The following ERVFRD-1 variants were observed in gnomAD, a reference collection of about 807,000 sequenced individuals.
ERVFRD-1 encodes syncytin-2.
A neutral mutation model predicts 43.8 loss-of-function variants in ERVFRD-1; 33 were observed. The ratio of observed to expected loss-of-function variants is 0.75; its 90% CI spans 0.57 to 1.01. The LOEUF is 1.01. ERVFRD-1 is among the 50% of genes least tolerant of loss of function. The probability of loss-of-function intolerance (pLI) is 0.00; values close to 1 mark genes in which losing one functional copy is unlikely to be tolerated. For missense variants in ERVFRD-1, 568 were observed against 658.4 expected, an observed-to-expected ratio of 0.86 and a Z score of 1.50; for synonymous variants, 239 against 244.4, an observed-to-expected ratio of 0.98 and a Z score of 0.21.
At chr6:11,108,377 C>T (rs1339954766) in intron 1 of ERVFRD-1, among the ~76,000 whole-genome samples, 5 of 152,158 alleles carry the variant, frequency 3.3e-5, no homozygotes, top group Non-Finnish European at 7.3e-5. Flanking sequence ...CCAAGTGGAG[C>T]GTAGGGCCCC....
chr6:11,110,233 C>A (rs916380809), intron 1 of ERVFRD-1, among the ~76,000 whole-genome samples: 1 of 152,192 alleles, frequency 6.6e-6, no homozygotes, highest in Non-Finnish European at 1.5e-5. Flanking sequence ...CTGATCCCAT[C>A]CCATTTCTGG....
chr6:11,104,826 G>A lies in ERVFRD-1; in HGVS notation c.485C>T (p.Thr162Ile). Reference sequence around the variant, plus strand: ...TGGTTGATGGCGGAATTGGTTGTGGGTGTATGTTTGGTAAGTCTGTTGGTT... The same window carrying A: ...TGGTTGATGGCGGAATTGGTTGTGGATGTATGTTTGGTAAGTCTGTTGGTT... The part of the protein sequence containing the change: ...DSNQQTYQTY[T>I]HNQFRHQPRF... Residue 162 changes from threonine to isoleucine, a missense_variant, in exon 2 of 2, where the codon ACC becomes ATC. Transcript: ENST00000472091. The A allele has an allele frequency of 6.2e-7, 1 of 1,614,226 alleles. No homozygotes were observed. The highest frequency in any genetic ancestry group is 8.5e-7 in the Non-Finnish European group (1 of 1,180,042).
At position 11,103,648 on chromosome 6, in the gene ERVFRD-1, T is replaced by A. The variant is rs1192307861; in HGVS notation, c.*46A>T. ...CAGGTCCACGGGAGACGGGGCAGGA[T>A]TTCGCCTCTGTCGTGTTCCACTAGC... is the stretch of plus-strand genomic sequence containing the variant. On this transcript the variant is annotated 3_prime_UTR_variant, in exon 2 of 2. Coordinates refer to ENST00000472091, the MANE Select transcript of ERVFRD-1 (RefSeq NM_207582.3). 6.7e-7 allele frequency: 1 copy of A among 1,493,526 alleles called. No homozygotes were observed. Among genetic ancestry groups the A allele is most frequent in the Non-Finnish European group, 8.9e-7 (1 of 1,119,646 alleles). The allele number at this position is 1,493,526 out of a possible 1,614,324, so 92.5% of individuals were successfully genotyped here.
At position 11,103,074 on chromosome 6, in the gene ERVFRD-1, A is replaced by G. The variant is rs915497160; in HGVS notation, c.*620T>C. The stretch of plus-strand genomic sequence containing the variant: ...TCTGCATGCACAGTGGCCTGCCAGC[A>G]CTTGGGAGGGGACGCATGTGCAGTG... On this transcript the variant is annotated 3_prime_UTR_variant, in exon 2 of 2. Transcript: ENST00000472091. 6.6e-6 allele frequency: 1 copy of G among 152,164 alleles called. No individual in the cohort carries two copies. Among genetic ancestry groups the G allele is most frequent in the Non-Finnish European group, 1.5e-5 (1 of 68,082 alleles). 9.4% of individuals were successfully genotyped at this position (152,164 alleles called of 1,614,324 possible). A position where few individuals can be genotyped will look rare whatever the true frequency, so the allele number is the denominator to read the frequency against.
chr6:11,107,704 G>A (rs532885762), intron 1 of ERVFRD-1, among the ~76,000 whole-genome samples: 8 of 152,366 alleles, frequency 5.3e-5, no homozygotes, highest in Non-Finnish European at 1.2e-4. Flanking sequence ...GGATCATTGG[G>A]TGTATTGGGA....
chr6:11,107,017 TC>T (rs1198602532), intron 1 of ERVFRD-1, among the ~76,000 whole-genome samples: 12 of 152,156 alleles, frequency 7.9e-5, no homozygotes, highest in African/African-American at 2.2e-4. Flanking sequence ...TGCACAGAGG[TC>T]CCCGGGGACA....
chr6:11,103,754 C>G lies in ERVFRD-1; in HGVS notation c.1557G>C (p.Lys519Asn), dbSNP rs756385693. The G allele has an allele frequency of 3.2e-6, 5 of 1,551,612 alleles. No homozygotes were observed. Among genetic ancestry groups the G allele is most frequent in the Non-Finnish European group, 4.4e-6 (5 of 1,146,984 alleles). The change falls in exon 2 of 2, where the codon AAG becomes AAC. Residue 519 changes from lysine (K) to asparagine (N), a missense_variant. Physicochemically the swap from Lys to Asn is moderately conservative, Grantham distance 94. Coordinates refer to ENST00000472091, the MANE Select transcript of ERVFRD-1 (RefSeq NM_207582.3). ...QFVSSRLQAIKLQTNLSAGRH... is the reference protein window; with the variant it reads ...QFVSSRLQAINLQTNLSAGRH... ...GTCCTGCACTGAGATTCGTCTGGAG[C>G]TTTATGGCCTGAAGGCGAGAGGAGA...
rs550762121 is a variant in ERVFRD-1 at position 11,107,661 on chromosome 6, C to T, written c.-320-2031G>A. ...TCTAAGACTGGAAACCACTGAGCAT[C>T]TGGAGGTTGGGGAAGAATTACATAT... On this transcript the variant is annotated intron_variant, in intron 1 of 1. Transcript: ENST00000472091. 4.6e-5 allele frequency among the ~76,000 whole-genome samples: 7 copies of T among 152,316 alleles called. No individual in the cohort carries two copies. The South Asian group carries it at 1.4e-3, about 32-fold the overall frequency.
chr6:11,110,218 C>G (rs146243639), intron 1 of ERVFRD-1, among the ~76,000 whole-genome samples: 2 of 152,316 alleles, frequency 1.3e-5, no homozygotes, highest in Non-Finnish European at 2.9e-5. Flanking sequence ...CTGGGTACCC[C>G]TACCCTGATC....
chr6:11,104,143 T>C lies in ERVFRD-1; in HGVS notation c.1168A>G (p.Asn390Asp). The change falls in exon 2 of 2, where the codon AAC becomes GAC. Residue 390 changes from asparagine (N) to aspartate (D), a missense_variant. Asn to Asp is a conservative substitution (Grantham distance 23). Coordinates refer to ENST00000472091, the MANE Select transcript of ERVFRD-1 (RefSeq NM_207582.3). ...GCTTTAGCCATGGTGTCAATGTTGT[T>C]GGCTATTTCCTTTGAGAGCTGGCTA... ...TYSQLSKEIA[N>D]NIDTMAKALT... The C allele has an allele frequency of 6.4e-7, 1 of 1,551,724 alleles. No homozygotes were observed. Among genetic ancestry groups the C allele is most frequent in the South Asian group, 1.2e-5 (1 of 84,064 alleles).
intron 1 of ERVFRD-1, among the ~76,000 whole-genome samples, chr6:11,111,446 G>A (rs375880986): frequency 2.0e-5 from 3 of 152,118 alleles, no homozygotes; most frequent in African/African-American, 7.2e-5. Context: ...TGTCTGGGGG[G>A]GCCATTAGTG....
At chr6:11,105,852 G>T (rs1305369501) in intron 1 of ERVFRD-1, among the ~76,000 whole-genome samples, 1 of 152,136 alleles carries the variant, frequency 6.6e-6, no homozygotes, top group African/African-American at 2.4e-5. Context: ...GATTTTAGCA[G>T]TTTCTTCATC....
chr6:11,109,028 C>T (rs375790274), intron 1 of ERVFRD-1, among the ~76,000 whole-genome samples: 2 of 152,216 alleles, frequency 1.3e-5, no homozygotes, highest in African/African-American at 4.8e-5. Flanking sequence ...CTCATGTACT[C>T]CCCTGGATAT....
Position 11,105,300 on chromosome 6 carries a change from A to G in ERVFRD-1, c.11T>C (p.Leu4Pro). Reference sequence around the variant, plus strand: ...AGGCGTGAGAATGAGAACCAGCAGGAGCAGGCCCATGGTGACCTAAGAGAA... The same window carrying G: ...AGGCGTGAGAATGAGAACCAGCAGGGGCAGGCCCATGGTGACCTAAGAGAA... MGLLLLVLILTPSL... is the reference protein window; with the variant it reads MGLPLLVLILTPSL... The change falls in exon 2 of 2, where the codon CTC (leucine) becomes CCC (proline). Residue 4 changes from leucine to proline, a missense_variant. Leu to Pro is a moderately conservative substitution (Grantham distance 98). Transcript: ENST00000472091. The G allele has an allele frequency of 1.9e-6, 3 of 1,612,834 alleles. No homozygotes were observed. Among genetic ancestry groups the G allele is most frequent in the Non-Finnish European group, 2.5e-6 (3 of 1,179,310 alleles).
chr6:11,104,714 T>C lies in ERVFRD-1; in HGVS notation c.597A>G (p.Ser199=). ...GGAACCAGAAGTTTCGAGTACTGCA[T>C]GAGCTTGGGCGTCCCTGGCAAAACC... ...SSRFCQGRPS[S]CSTRNFWFRP... Residue 199 remains serine (S), a synonymous_variant, in exon 2 of 2, where the codon TCA becomes TCG. Transcript: ENST00000472091. 1 of 1,614,236 alleles carries C rather than the reference T, an allele frequency of 6.2e-7. No homozygotes were observed. Among genetic ancestry groups the C allele is most frequent in the Non-Finnish European group, 8.5e-7 (1 of 1,180,040 alleles).
chr6:11,108,707 T>C (rs1184628893), intron 1 of ERVFRD-1, among the ~76,000 whole-genome samples: 1 of 152,186 alleles, frequency 6.6e-6, no homozygotes, highest in Non-Finnish European at 1.5e-5. Flanking sequence ...GTTTTGGTTG[T>C]AAAAGACCAA....
chr6:11,104,059 G>A lies in ERVFRD-1; in HGVS notation c.1252C>T (p.Arg418Ter), dbSNP rs1047690794. Residue 418 changes from arginine (R) to a stop codon, truncating the protein, a stop_gained, in exon 2 of 2, where the codon CGA (arginine) becomes TGA (stop). Transcript: ENST00000472091. LOFTEE classifies it high-confidence loss of function. ...GCTGCCGTTAACATGTCTAGTCCTC[G>A]ACGATTTTGAAGGACTACGGCTGCT... is the stretch of plus-strand genomic sequence containing the variant. The part of the protein sequence containing the change: ...SLAAVVLQNR[R>*]GLDMLTAAQG... 3.2e-6 allele frequency: 5 copies of A among 1,551,604 alleles called. No individual in the cohort carries two copies. The highest frequency in any genetic ancestry group is 1.7e-4 in the Middle Eastern group (1 of 6,012).
At chr6:11,106,013 A>T (rs569987587) in intron 1 of ERVFRD-1, among the ~76,000 whole-genome samples, 1 of 152,136 alleles carries the variant, frequency 6.6e-6, no homozygotes, top group South Asian at 2.1e-4. Flanking sequence ...TTTGTTGGGG[A>T]TGTGTTTGAG....
intron 1 of ERVFRD-1, among the ~76,000 whole-genome samples, chr6:11,108,826 T>C (rs565140344): frequency 5.9e-5 from 9 of 152,216 alleles, no homozygotes; most frequent in African/African-American, 2.2e-4. Context: ...TGATCCTTTA[T>C]GAACAGTTGT....
Sources: gnomAD v4.1 joint callset for allele counts (sites outside exome capture counted in the v4.1 genomes callset) on GRCh38, gnomAD v4.1.1 for gene constraint, MANE v1.5 for transcripts, NCBI Gene and HGNC (gene_info 2026-07-23, HGNC 2026-07-21) for gene names.